The following HPCA variants were observed in gnomAD, a reference collection of about 807,000 sequenced individuals.
HPCA encodes hippocalcin.
In HPCA, 4 loss-of-function variants were observed where a neutral mutation model predicts 18.2. That is an observed-to-expected ratio of 0.22 (90% CI 0.11 to 0.50). The LOEUF (loss-of-function observed/expected upper bound fraction) is 0.50, where lower values mean the gene tolerates loss of function less well. HPCA is among the 20% of genes least tolerant of loss of function. The pLI, the probability that HPCA is intolerant of heterozygous loss-of-function variation, is 0.97. For synonymous variants in HPCA, 93 were observed against 103.5 expected, an observed-to-expected ratio of 0.90 and a Z score of 0.61; for missense variants, 161 against 265.8, an observed-to-expected ratio of 0.61 and a Z score of 2.74.
intron 2 of HPCA, among the ~76,000 whole-genome samples, chr1:32,892,245 C>T (rs1641462931): frequency 6.6e-6 from 1 of 152,150 alleles, no homozygotes; most frequent in Non-Finnish European, 1.5e-5. Flanking sequence ...GAACTTGGTA[C>T]AGAGGGCAGT....
At position 32,893,728 on chromosome 1, in the gene HPCA, C is replaced by T. The variant is rs1481445746; in HGVS notation, c.485-37C>T. 1 of 1,529,672 alleles carries T rather than the reference C, an allele frequency of 6.5e-7. No homozygotes were observed. Among genetic ancestry groups the T allele is most frequent in the South Asian group, 1.2e-5 (1 of 85,314 alleles). The allele number at this position is 1,529,672 out of a possible 1,614,324, so 94.8% of individuals were successfully genotyped here. On this transcript the variant is annotated intron_variant, in intron 3 of 3. Transcript: ENST00000373467. This position sits in a 1 kb window ranked among gnomAD's most constrained non-coding sequence, Gnocchi z 7.5. ...GCTCCGCCTCCCCTCGCTAGGCTGC[C>T]GCCTCCTCCCCCATCACCGCTCCCC... is the stretch of plus-strand genomic sequence containing the variant.
In HPCA at chr1:32,889,174, C is replaced by T. The variant is rs1641417028; in HGVS notation, c.276C>T (p.Thr92=). The T allele has an allele frequency of 1.2e-6, 2 of 1,614,276 alleles. No homozygotes were observed. Among genetic ancestry groups the T allele is most frequent in the East Asian group, 4.5e-5 (2 of 44,888 alleles). Residue 92 remains threonine (T), a synonymous_variant, in exon 2 of 4, where the codon ACC becomes ACT. Transcript: ENST00000373467. The surrounding 1 kb of genome is among the most constrained non-coding windows in gnomAD (Gnocchi z 4.6). ...FREFIIALSV[T]SRGRLEQKLM... ...AGTTCATCATTGCGCTGAGCGTGAC[C>T]TCGCGCGGCCGCCTGGAGCAGAAGC...
rs1044494088 is a variant in HPCA at position 32,893,404 on chromosome 1, C to A, written c.379-120C>A. On this transcript the variant is annotated intron_variant, in intron 2 of 3. Transcript: ENST00000373467. This position sits in a 1 kb window ranked among gnomAD's most constrained non-coding sequence, Gnocchi z 7.5. ...CGGCTCCCCACGCCTCCGTGATTCC[C>A]CACTCCACCTTGCCCAGGCGGGGGC... 1.4e-6 allele frequency: 1 copy of A among 690,330 alleles called. No individual in the cohort carries two copies. The highest frequency in any genetic ancestry group is 1.8e-5 in the South Asian group (1 of 56,938). 42.8% of individuals were successfully genotyped at this position (690,330 alleles called of 1,614,324 possible).
intron 1 of HPCA, among the ~76,000 whole-genome samples, chr1:32,888,026 G>A (rs912743212): frequency 2.0e-5 from 3 of 152,150 alleles, no homozygotes; most frequent in Admixed American, 6.5e-5. Flanking sequence ...GTTTTTGCAT[G>A]AGTTTTGTGG....
At position 32,893,404 on chromosome 1, in the gene HPCA, C is replaced by T. The variant is rs1044494088; in HGVS notation, c.379-120C>T. The stretch of plus-strand genomic sequence containing the variant: ...CGGCTCCCCACGCCTCCGTGATTCC[C>T]CACTCCACCTTGCCCAGGCGGGGGC... On this transcript the variant is annotated intron_variant, in intron 2 of 3. Coordinates refer to ENST00000373467, the MANE Select transcript of HPCA (RefSeq NM_002143.3). This position sits in a 1 kb window ranked among gnomAD's most constrained non-coding sequence, Gnocchi z 7.5. 2 of 690,212 alleles carry T rather than the reference C, an allele frequency of 2.9e-6. No individual in the cohort carries two copies. Among genetic ancestry groups the T allele is most frequent in the Admixed American group, 4.8e-5 (2 of 41,724 alleles). 42.8% of individuals were successfully genotyped at this position (690,212 alleles called of 1,614,324 possible).
Position 32,893,902 on chromosome 1 carries a change from C to T in HPCA, c.*40C>T, listed in dbSNP as rs1641516873. 1 of 1,377,758 alleles carries T rather than the reference C, an allele frequency of 7.3e-7. No homozygotes were observed. The highest frequency in any genetic ancestry group is 2.0e-5 in the Admixed American group (1 of 50,742). 85.3% of individuals were successfully genotyped at this position (1,377,758 alleles called of 1,614,324 possible). The stretch of plus-strand genomic sequence containing the variant: ...CCCTTCCTCCCTCCCTTCACCGGCC[C>T]CCTCCCGGCTCTTAGCTTCCACTCC... On this transcript the variant is annotated 3_prime_UTR_variant, in exon 4 of 4. Coordinates refer to ENST00000373467, the MANE Select transcript of HPCA (RefSeq NM_002143.3). The surrounding 1 kb of genome is among the most constrained non-coding windows in gnomAD (Gnocchi z 7.5).
rs1641372628 is a variant in HPCA at position 32,886,599 on chromosome 1, A to G, written c.-22+84A>G. ...GGGGGCCCACGTCCAGGGCTTCCCA[A>G]CACCGCCGCTCCCGGGCTTCCCGGG... On this transcript the variant is annotated intron_variant, in intron 1 of 3. Coordinates refer to ENST00000373467, the MANE Select transcript of HPCA (RefSeq NM_002143.3). This position sits in a 1 kb window ranked among gnomAD's most constrained non-coding sequence, Gnocchi z 7.0. 1 of 152,122 alleles carries G rather than the reference A, an allele frequency of 6.6e-6. No individual in the cohort carries two copies. The highest frequency in any genetic ancestry group is 6.5e-5 in the Admixed American group (1 of 15,278). 9.4% of individuals were successfully genotyped at this position (152,122 alleles called of 1,614,324 possible). A position where few individuals can be genotyped will look rare whatever the true frequency, so the allele number is the denominator to read the frequency against.
Position 32,886,647 on chromosome 1 carries a change from G to A in HPCA, c.-22+132G>A, listed in dbSNP as rs1641373583. 6.6e-6 allele frequency: 1 copy of A among 152,244 alleles called. No individual in the cohort carries two copies. The highest frequency in any genetic ancestry group is 2.1e-4 in the South Asian group (1 of 4,838). The allele number at this position is 152,244 out of a possible 1,614,324, so 9.4% of individuals were successfully genotyped here. Reference sequence around the variant, plus strand: ...GGGAATCCTTGCCCCGGGTGGCGGGGGCGCTGGGGACTGGGAAGCGCGCGG... The same window carrying A: ...GGGAATCCTTGCCCCGGGTGGCGGGAGCGCTGGGGACTGGGAAGCGCGCGG... On this transcript the variant is annotated intron_variant, in intron 1 of 3. Transcript: ENST00000373467. The surrounding 1 kb of genome is among the most constrained non-coding windows in gnomAD (Gnocchi z 7.0).
rs779241838 is a variant in HPCA at position 32,889,181 on chromosome 1, G to A, written c.283G>A (p.Gly95Ser). The A allele has an allele frequency of 1.9e-6, 3 of 1,614,228 alleles. No individual in the cohort carries two copies. Among genetic ancestry groups the A allele is most frequent in the Non-Finnish European group, 8.5e-7 (1 of 1,180,036 alleles). ...CATTGCGCTGAGCGTGACCTCGCGC[G>A]GCCGCCTGGAGCAGAAGCTCATGTG... ...FIIALSVTSR[G>S]RLEQKLMWAF... Residue 95 changes from glycine (G) to serine (S), a missense_variant, in exon 2 of 4, where the codon GGC (glycine) becomes AGC (serine). Gly to Ser is a moderately conservative substitution (Grantham distance 56). Transcript: ENST00000373467. This position sits in a 1 kb window ranked among gnomAD's most constrained non-coding sequence, Gnocchi z 4.6.
At chr1:32,892,587 G>A (rs552775104) in intron 2 of HPCA, among the ~76,000 whole-genome samples, 1 of 152,166 alleles carries the variant, frequency 6.6e-6, no homozygotes, top group Non-Finnish European at 1.5e-5. Flanking sequence ...GGCTGGGGAC[G>A]TAACAGTGGA....
At chr1:32,891,966 T>C (rs1238703819) in intron 2 of HPCA, among the ~76,000 whole-genome samples, 1 of 152,200 alleles carries the variant, frequency 6.6e-6, no homozygotes, top group African/African-American at 2.4e-5. Flanking sequence ...CTCAGTTTCT[T>C]ATCTGGAAAA....
chr1:32,894,114 C>G lies in HPCA; in HGVS notation c.*252C>G. The G allele has an allele frequency of 4.0e-6, 2 of 495,040 alleles. No individual in the cohort carries two copies. The highest frequency in any genetic ancestry group is 7.2e-6 in the Non-Finnish European group (2 of 277,250). The allele number at this position is 495,040 out of a possible 1,614,324, so 30.7% of individuals were successfully genotyped here. ...GGGTTGGTCTGCCCCTCAGTCAGGC[C>G]CCCTTACCCACCCACCAGCCCCAAG... On this transcript the variant is annotated 3_prime_UTR_variant, in exon 4 of 4. Coordinates refer to ENST00000373467, the MANE Select transcript of HPCA (RefSeq NM_002143.3).
rs1215771290 is a variant in HPCA, at chr1:32,894,120, A to C, written c.*258A>C. 3 of 467,546 alleles carry C rather than the reference A, an allele frequency of 6.4e-6. No individual in the cohort carries two copies. The highest frequency in any genetic ancestry group is 3.5e-5 in the South Asian group (1 of 28,462). The allele number at this position is 467,546 out of a possible 1,614,324, so 29.0% of individuals were successfully genotyped here. On this transcript the variant is annotated 3_prime_UTR_variant, in exon 4 of 4. Coordinates refer to ENST00000373467, the MANE Select transcript of HPCA (RefSeq NM_002143.3). ...GTCTGCCCCTCAGTCAGGCCCCCTT[A>C]CCCACCCACCAGCCCCAAGGCCCGA...
Position 32,894,565 on chromosome 1 carries a change from C to G in HPCA, c.*703C>G, listed in dbSNP as rs1641536097. The G allele has an allele frequency of 1.9e-6, 1 of 517,190 alleles. No individual in the cohort carries two copies. The highest frequency in any genetic ancestry group is 3.4e-6 in the Non-Finnish European group (1 of 297,048). 32.0% of individuals were successfully genotyped at this position (517,190 alleles called of 1,614,324 possible). On this transcript the variant is annotated 3_prime_UTR_variant, in exon 4 of 4. Coordinates refer to ENST00000373467, the MANE Select transcript of HPCA (RefSeq NM_002143.3). Reference sequence around the variant, plus strand: ...AGCCCCTGTCCTCCCCTCTGTCCCCCCAACCGCCCCCCCTGCATGCAGCCA... The same window carrying G: ...AGCCCCTGTCCTCCCCTCTGTCCCCGCAACCGCCCCCCCTGCATGCAGCCA...
At chr1:32,892,169 C>T (rs986391359) in intron 2 of HPCA, among the ~76,000 whole-genome samples, 1 of 152,128 alleles carries the variant, frequency 6.6e-6, no homozygotes, top group African/African-American at 2.4e-5. Context: ...CAGGGGAGAC[C>T]TGATGGAGGA....
In HPCA at chr1:32,889,624, C is replaced by T. The variant is rs1015849696; in HGVS notation, c.378+348C>T. Among the ~76,000 whole-genome samples the T allele has an allele frequency of 6.6e-6, 1 of 152,188 alleles. No individual in the cohort carries two copies. The highest frequency in any genetic ancestry group is 1.5e-5 in the Non-Finnish European group (1 of 68,042). On this transcript the variant is annotated intron_variant, in intron 2 of 3. Coordinates refer to ENST00000373467, the MANE Select transcript of HPCA (RefSeq NM_002143.3). The surrounding 1 kb of genome is among the most constrained non-coding windows in gnomAD (Gnocchi z 4.6). The stretch of plus-strand genomic sequence containing the variant: ...AGGATATATTTCCTAAAAATAAGCA[C>T]ATTCTCTTACATAACCCATAATATG...
rs1043077491 is a variant in HPCA at position 32,889,529 on chromosome 1, CGTGTGTGCACACTA to C, written c.378+260_378+273del. Among the ~76,000 whole-genome samples the C allele has an allele frequency of 6.6e-6, 1 of 152,144 alleles. No homozygotes were observed. Among genetic ancestry groups the C allele is most frequent in the African/African-American group, 2.4e-5 (1 of 41,430 alleles). The stretch of plus-strand genomic sequence containing the variant: ...CTTCATCATTATCAGTGTGTGTGTG[CGTGTGTGCACACTA>C]GTGTGTAACATTTTCTTGCTGTTCT... On this transcript the variant is annotated intron_variant, in intron 2 of 3. Transcript: ENST00000373467. The surrounding 1 kb of genome is among the most constrained non-coding windows in gnomAD (Gnocchi z 4.6).
In HPCA at chr1:32,894,491, C is replaced by T; in HGVS notation, c.*629C>T. On this transcript the variant is annotated 3_prime_UTR_variant, in exon 4 of 4. Coordinates refer to ENST00000373467, the MANE Select transcript of HPCA (RefSeq NM_002143.3). ...GACAGATGGGCAGATGCACCCAGAG[C>T]CCCATGCACAGTGTCCTGCGTGGGA... 1 of 339,760 alleles carries T rather than the reference C, an allele frequency of 2.9e-6. No individual in the cohort carries two copies. Among genetic ancestry groups the T allele is most frequent in the Non-Finnish European group, 5.5e-6 (1 of 180,370 alleles). The allele number at this position is 339,760 out of a possible 1,614,324, so 21.0% of individuals were successfully genotyped here.
chr1:32,891,685 C>T (rs1166231661), intron 2 of HPCA, among the ~76,000 whole-genome samples: 3 of 152,180 alleles, frequency 2.0e-5, no homozygotes, highest in African/African-American at 7.2e-5. Context: ...CAAGGCTACA[C>T]AGTTAGTGAG....
Sources: gnomAD v4.1 joint callset for allele counts (sites outside exome capture counted in the v4.1 genomes callset) on GRCh38, gnomAD v4.1.1 for gene constraint, Gnocchi (gnomAD v3.1) non-coding constraint, MANE v1.5 for transcripts, NCBI Gene and HGNC (gene_info 2026-07-23, HGNC 2026-07-21) for gene names.